PCDH15: variants seen among roughly 807,000 people sequenced by gnomAD.
PCDH15 encodes protocadherin related 15.
In PCDH15, 129 loss-of-function variants were observed where a neutral mutation model predicts 178.5. That is an observed-to-expected ratio of 0.72 (90% CI 0.63 to 0.84). PCDH15 has a LOEUF of 0.84. PCDH15 is among the 40% of genes least tolerant of loss of function. The pLI, the probability that PCDH15 is intolerant of heterozygous loss-of-function variation, is 0.00. For missense variants in PCDH15, 2,230 were observed against 2,099.9 expected, an observed-to-expected ratio of 1.06 and a Z score of -1.21; for synonymous variants, 800 against 732.0, an observed-to-expected ratio of 1.09 and a Z score of -1.50.
At chr10:54,478,046 G>A (rs959020577) in intron 3 of PCDH15, among the ~76,000 whole-genome samples, 2 of 152,040 alleles carry the variant, frequency 1.3e-5, no homozygotes, top group East Asian at 3.9e-4. Flanking sequence ...AGATTTTATG[G>A]TGGTCAAGTT....
At chr10:55,148,678 A>G (rs1838600918) in intron 2 of PCDH15, among the ~76,000 whole-genome samples, 1 of 151,842 alleles carries the variant, frequency 6.6e-6, no homozygotes, top group African/African-American at 2.4e-5. Flanking sequence ...GTGTTTCCAC[A>G]TTTTATTGGA....
chr10:55,491,918 A>C (rs2034844093), intron 2 of PCDH15, among the ~76,000 whole-genome samples: 1 of 151,650 alleles, frequency 6.6e-6, no homozygotes, highest in Non-Finnish European at 1.5e-5. Context: ...ACTCAAGGGC[A>C]ATCAGAACAG....
rs1264104121 is a variant in PCDH15, at chr10:53,805,800, T to G, written c.*779A>C. 3.9e-5 allele frequency: 6 copies of G among 152,116 alleles called. No individual in the cohort carries two copies. In the South Asian group the frequency reaches 1.2e-3, roughly 31 times the overall value. 9.4% of individuals were successfully genotyped at this position (152,116 alleles called of 1,614,324 possible). On this transcript the variant is annotated 3_prime_UTR_variant, in exon 38 of 38. Transcript: ENST00000644397. ...CCTTTCTCACTTCCCTAAAAGCTTTTGCTAAGGGTGAGATTTCCATGTTGC... is the reference window on the plus strand; with the variant it reads ...CCTTTCTCACTTCCCTAAAAGCTTTGGCTAAGGGTGAGATTTCCATGTTGC...
intron 2 of PCDH15, among the ~76,000 whole-genome samples, chr10:55,017,972 T>A (rs879094546): frequency 6.6e-6 from 1 of 152,064 alleles, no homozygotes; most frequent in Non-Finnish European, 1.5e-5. Flanking sequence ...TCTCATATAA[T>A]GGACAAATTA....
intron 25 of PCDH15, among the ~76,000 whole-genome samples, chr10:53,909,836 G>A (rs151190208): frequency 6.6e-6 from 1 of 152,308 alleles, no homozygotes; most frequent in Non-Finnish European, 1.5e-5. Flanking sequence ...CTTAGCAAAT[G>A]GCACACAAGG....
At chr10:53,848,100 G>T (rs1186820745) in intron 28 of PCDH15, among the ~76,000 whole-genome samples, 1 of 151,936 alleles carries the variant, frequency 6.6e-6, no homozygotes, top group Non-Finnish European at 1.5e-5. Flanking sequence ...GTATAGAAAA[G>T]AATAATAAAT....
chr10:55,590,123 C>G (rs1005821924), intron 2 of PCDH15, among the ~76,000 whole-genome samples: 10 of 151,462 alleles, frequency 6.6e-5, no homozygotes, highest in Admixed American at 1.3e-4. Context: ...CCATGGAATA[C>G]TATGCAGCCA....
chr10:54,084,843 T>G (rs1590321046), intron 16 of PCDH15, among the ~76,000 whole-genome samples: 1 of 152,200 alleles, frequency 6.6e-6, no homozygotes, highest in East Asian at 1.9e-4. Flanking sequence ...CACTTGGAGG[T>G]GTCTGAGCCT....
intron 25 of PCDH15, among the ~76,000 whole-genome samples, chr10:53,927,544 T>C (rs990892711): frequency 4.6e-5 from 7 of 152,142 alleles, no homozygotes; most frequent in African/African-American, 1.7e-4. Context: ...TAATGTGATC[T>C]TTTATATAAA....
intron 25 of PCDH15, among the ~76,000 whole-genome samples, chr10:53,932,099 GA>G (rs2085112521): frequency 6.6e-6 from 1 of 152,198 alleles, no homozygotes; most frequent in Non-Finnish European, 1.5e-5. Flanking sequence ...CATGGTCAAT[GA>G]GAGCATCTTC....
intron 1 of PCDH15, among the ~76,000 whole-genome samples, chr10:54,716,693 A>T (rs141721126): frequency 0.12 from 18,391 of 151,828 alleles, 1,240 homozygotes; most frequent in African/African-American, 0.17. Context: ...CCCAAGGTAA[A>T]TCATAGATTC....
intron 2 of PCDH15, among the ~76,000 whole-genome samples, chr10:54,913,790 T>G (rs1012195288): frequency 7.3e-5 from 11 of 151,098 alleles, no homozygotes; most frequent in East Asian, 2.0e-4. Flanking sequence ...ATATGAGAGA[T>G]AGAGTCAAAA....
At chr10:54,346,060 TATCTC>T (rs1487781905) in intron 6 of PCDH15, among the ~76,000 whole-genome samples, 2 of 152,050 alleles carry the variant, frequency 1.3e-5, no homozygotes, top group African/African-American at 4.8e-5. Context: ...TGACACTTGT[TATCTC>T]ATCTCCAGTG....
intron 2 of PCDH15, among the ~76,000 whole-genome samples, chr10:55,431,083 G>T (rs980555287): frequency 6.6e-6 from 1 of 152,040 alleles, no homozygotes; most frequent in African/African-American, 2.4e-5. Context: ...TGAATAACCT[G>T]GGTTAGGTTC....
chr10:55,033,738 A>C (rs1036418210), intron 2 of PCDH15, among the ~76,000 whole-genome samples: 10 of 152,186 alleles, frequency 6.6e-5, no homozygotes, highest in African/African-American at 2.2e-4. Flanking sequence ...AGATGGAATA[A>C]ATGAATTTTT....
intron 3 of PCDH15, among the ~76,000 whole-genome samples, chr10:54,515,234 G>T (rs2082089393): frequency 6.6e-6 from 1 of 152,216 alleles, no homozygotes; most frequent in Non-Finnish European, 1.5e-5. Context: ...GTCAAAGAAA[G>T]GGGTGACAGA....
rs78381933 is a variant in PCDH15 at position 54,834,049 on chromosome 10, C to T, written c.-29+63401G>A. On this transcript the variant is annotated intron_variant, in intron 3 of 5. Coordinates refer to the PCDH15 transcript ENST00000458638. ...TAATGATACTTATTGGACAAGTTAC[C>T]ACAACTGCTTAGTCTTAATTTCTTC... is the stretch of plus-strand genomic sequence containing the variant. 2.3e-3 allele frequency among the ~76,000 whole-genome samples: 355 copies of T among 152,072 alleles called. 2 individuals carry two copies. The highest frequency in any genetic ancestry group is 8.3e-3 in the African/African-American group (346 of 41,490).
At chr10:54,865,830 T>C (rs1390905888) in intron 3 of PCDH15, among the ~76,000 whole-genome samples, 1 of 152,166 alleles carries the variant, frequency 6.6e-6, no homozygotes, top group African/African-American at 2.4e-5. Flanking sequence ...TTGGAGAACT[T>C]AGCTTAAGGG....
At chr10:55,529,741 GTATATATA>G (rs56254743) in intron 2 of PCDH15, among the ~76,000 whole-genome samples, 1,631 of 62,754 alleles carry the variant, frequency 0.026, 82 homozygotes, top group African/African-American at 0.076. Context: ...TTGTCTGTGA[GTATATATA>G]TATATATATA....
Sources: allele counts gnomAD v4.1 joint callset (sites outside exome capture counted in the v4.1 genomes callset), GRCh38; gene constraint gnomAD v4.1.1; transcripts MANE v1.5; gene names NCBI Gene and HGNC (gene_info 2026-07-23, HGNC 2026-07-21).